The following PGM2L1 variants were observed in gnomAD, a reference collection of about 807,000 sequenced individuals.
PGM2L1 encodes the protein glucose 1,6-bisphosphate synthase.
Under a neutral mutation model 73.4 loss-of-function variants are expected in PGM2L1, and 35 were observed. The ratio of observed to expected loss-of-function variants is 0.48; its 90% CI spans 0.36 to 0.63. PGM2L1 has a LOEUF of 0.63. PGM2L1 is among the 30% of genes least tolerant of loss of function. The pLI, the probability that PGM2L1 is intolerant of heterozygous loss-of-function variation, is 0.00. For missense variants in PGM2L1, 570 were observed against 742.0 expected (o/e 0.77, Z 2.69); for synonymous variants, 225 against 253.8 (o/e 0.89, Z 1.08).
intron 5 of PGM2L1, chr11:74,355,553 C>CA (rs547652950): frequency 0.031 from 3,553 of 113,684 alleles, 36 homozygotes; most frequent in Middle Eastern, 0.048. Context: ...GACTCCGTCT[C>CA]AAAAAAAAAA....
Position 74,347,298 on chromosome 11 carries a change from T to C in PGM2L1, c.789A>G (p.Thr263=). The C allele has an allele frequency of 1.2e-6, 2 of 1,606,336 alleles. No homozygotes were observed. The highest frequency in any genetic ancestry group is 1.7e-6 in the Non-Finnish European group (2 of 1,176,656). Residue 263 remains threonine (T), a synonymous_variant, in exon 7 of 14, where the codon ACA becomes ACG. Transcript: ENST00000298198. ...NSKTTLKFVH[T]SFHGVGHDYV... is the part of the protein sequence containing the mutation. ...AGTCATGTCCGACCCCATGAAAAGATGTGTGCACAAATTTCAAGGTGGTCT... is the reference window on the plus strand; with the variant it reads ...AGTCATGTCCGACCCCATGAAAAGACGTGTGCACAAATTTCAAGGTGGTCT...
intron 5 of PGM2L1, among the ~76,000 whole-genome samples, chr11:74,360,592 G>A (rs965534774): frequency 1.1e-4 from 17 of 152,174 alleles, no homozygotes; most frequent in African/African-American, 4.1e-4. Context: ...TCGAGTGTGA[G>A]TCGAAGCAGG....
chr11:74,356,905 C>A (rs577827677), intron 5 of PGM2L1, among the ~76,000 whole-genome samples: 3 of 152,050 alleles, frequency 2.0e-5, no homozygotes, highest in Non-Finnish European at 4.4e-5. Context: ...GCAGTCTCGG[C>A]TCACTGCAAC....
At chr11:74,347,024 T>C in intron 7 of PGM2L1, 124 bp downstream of exon 7, 1 of 1,000,014 alleles carries the variant, frequency 1.0e-6, no homozygotes, top group Non-Finnish European at 1.4e-6. Context: ...ATTACTCCAA[T>C]ACAATTAAAA....
At chr11:74,385,835 AC>A (rs1237059086) in intron 1 of PGM2L1, among the ~76,000 whole-genome samples, 1 of 152,174 alleles carries the variant, frequency 6.6e-6, no homozygotes, top group Non-Finnish European at 1.5e-5. Flanking sequence ...AAATTAGGCT[AC>A]AATTATGGTC....
At chr11:74,377,038 T>A (rs1408994466) in intron 1 of PGM2L1, among the ~76,000 whole-genome samples, 1 of 152,246 alleles carries the variant, frequency 6.6e-6, no homozygotes, top group Non-Finnish European at 1.5e-5. Context: ...GAACTTACAT[T>A]TGTATTTTTT....
intron 1 of PGM2L1, among the ~76,000 whole-genome samples, chr11:74,382,736 C>T (rs1862964585): frequency 6.6e-6 from 1 of 152,168 alleles, no homozygotes; most frequent in South Asian, 2.1e-4. Flanking sequence ...TAGCTTCAGG[C>T]AATACTCCCG....
At chr11:74,352,431 G>A (rs1191685175) in intron 5 of PGM2L1, among the ~76,000 whole-genome samples, 1 of 152,120 alleles carries the variant, frequency 6.6e-6, no homozygotes, top group Non-Finnish European at 1.5e-5. Context: ...TGAGCTTTCA[G>A]TTTGTCAAGT....
rs1298667766 is a variant in PGM2L1 at position 74,362,449 on chromosome 11, G to T, written c.555+6043C>A. Among the ~76,000 whole-genome samples, 7 of 152,284 alleles carry T rather than the reference G, an allele frequency of 4.6e-5. No homozygotes were observed. In the East Asian group the frequency reaches 1.3e-3, roughly 29 times the overall value. On this transcript the variant is annotated intron_variant, in intron 5 of 13. Transcript: ENST00000298198. ...AGCCACTGCAAAAACATGTCAAATT[G>T]TAAAGACTATTAATGCTAGGAAGAA...
intron 5 of PGM2L1, among the ~76,000 whole-genome samples, chr11:74,364,102 A>T (rs1325872771): frequency 6.6e-6 from 1 of 152,216 alleles, no homozygotes; most frequent in Non-Finnish European, 1.5e-5. Context: ...AAACAGAACC[A>T]AAGACAAAAA....
At chr11:74,354,881 G>A (rs2134902903) in intron 5 of PGM2L1, 1 of 858,212 alleles carries the variant, frequency 1.2e-6, no homozygotes, top group South Asian at 1.3e-5. Context: ...GCAGGAAAAG[G>A]GGCTTTGTCT....
At chr11:74,390,656 C>T (rs569395955) in intron 1 of PGM2L1, among the ~76,000 whole-genome samples, 4 of 152,244 alleles carry the variant, frequency 2.6e-5, no homozygotes, top group African/African-American at 9.6e-5. Flanking sequence ...GTAAAAAGAA[C>T]TGGAGGAAGG....
intron 5 of PGM2L1, among the ~76,000 whole-genome samples, chr11:74,365,645 A>T (rs1191057605): frequency 1.3e-5 from 2 of 152,202 alleles, no homozygotes; most frequent in Non-Finnish European, 2.9e-5. Flanking sequence ...AGAAATGCAA[A>T]TCAAAACCAC....
intron 1 of PGM2L1, among the ~76,000 whole-genome samples, chr11:74,388,663 C>T (rs1863048903): frequency 1.3e-5 from 2 of 152,092 alleles, no homozygotes; most frequent in Admixed American, 6.5e-5. Flanking sequence ...TTTTCATTTA[C>T]CATATTATAG....
chr11:74,351,420 T>C lies in PGM2L1; in HGVS notation c.712A>G (p.Arg238Gly). Residue 238 changes from arginine to glycine, a missense_variant, in exon 6 of 14, where the codon AGA becomes GGA. Transcript: ENST00000298198. ...ATCTTTTTCAGATCTTCCATGTATC[T>C]CCTGCAAATGTCCTGCAGAGGGTCT... The part of the protein sequence containing the change: ...KRDPLQDICR[R>G]YMEDLKKICF... 1.2e-6 allele frequency: 2 copies of C among 1,613,886 alleles called. No homozygotes were observed. Among genetic ancestry groups the C allele is most frequent in the East Asian group, 4.5e-5 (2 of 44,862 alleles).
At chr11:74,387,357 CT>C (rs979451473) in intron 1 of PGM2L1, among the ~76,000 whole-genome samples, 51 of 152,188 alleles carry the variant, frequency 3.4e-4, no homozygotes, top group African/African-American at 1.2e-3. Flanking sequence ...TGTGCATAGG[CT>C]TAAAAAAATG....
chr11:74,371,941 A>G, intron 2 of PGM2L1, 124 bp from the exon 3 acceptor site: 1 of 749,414 alleles, frequency 1.3e-6, no homozygotes, highest in Non-Finnish European at 2.3e-6. Flanking sequence ...TTCTGCCTTT[A>G]TGCCCATGTT....
intron 1 of PGM2L1, among the ~76,000 whole-genome samples, chr11:74,389,198 G>C (rs1863055225): frequency 6.6e-6 from 1 of 152,178 alleles, no homozygotes; most frequent in Non-Finnish European, 1.5e-5. Context: ...CCAGGAGGCT[G>C]CAGTGAGCTA....
At chr11:74,394,929 CA>C in intron 1 of PGM2L1, among the ~76,000 whole-genome samples, 1 of 99,592 alleles carries the variant, frequency 1.0e-5, no homozygotes, top group African/African-American at 4.0e-5. Flanking sequence ...AGGTATTCAT[CA>C]GGTGTTAAAA....
Sources: gnomAD v4.1 joint callset for allele counts (sites outside exome capture counted in the v4.1 genomes callset) on GRCh38, gnomAD v4.1.1 for gene constraint, MANE v1.5 for transcripts, NCBI Gene and HGNC (gene_info 2026-07-23, HGNC 2026-07-21) for gene names.